Variants in P2RX1 observed in about 807,000 individuals in gnomAD.
The protein encoded by P2RX1 is purinergic receptor P2X 1, also known as P2X purinoceptor 1.
Under a neutral mutation model 50.3 loss-of-function variants are expected in P2RX1, and 42 were observed. That is an observed-to-expected ratio of 0.83 (90% confidence interval 0.65 to 1.08). P2RX1 has a LOEUF of 1.08. Ranked by LOEUF, P2RX1 falls within the 50% of genes least tolerant of loss-of-function variation. The pLI is 0.00. For missense variants in P2RX1, 449 were observed against 529.0 expected (o/e 0.85, Z 1.48); for synonymous variants, 199 against 202.6 (o/e 0.98, Z 0.15).
At position 3,903,709 on chromosome 17, in the gene P2RX1, G is replaced by A; in HGVS notation, c.525-78C>T. 1 of 1,499,012 alleles carries A rather than the reference G, an allele frequency of 6.7e-7. No individual in the cohort carries two copies. Among genetic ancestry groups the A allele is most frequent in the South Asian group, 1.1e-5 (1 of 88,616 alleles). The allele number at this position is 1,499,012 out of a possible 1,614,324, so 92.9% of individuals were successfully genotyped here. A position where few individuals can be genotyped will look rare whatever the true frequency, so the allele number is the denominator to read the frequency against. ...TCCCACACAGAGCTTGGCACAGCAGGGGGTGGGCCGAGCCTCCGGGACCCG... is the reference window on the plus strand; with the variant it reads ...TCCCACACAGAGCTTGGCACAGCAGAGGGTGGGCCGAGCCTCCGGGACCCG... On this transcript the variant is annotated intron_variant, in intron 5 of 11. Transcript: ENST00000225538. This position sits in a 1 kb window ranked among gnomAD's most constrained non-coding sequence, Gnocchi z 4.6.
chr17:3,904,142 G>C, intron 4 of P2RX1, 118 bp from the exon 5 acceptor site: 2 of 1,038,786 alleles, frequency 1.9e-6, no homozygotes, highest in Admixed American at 3.8e-5. Context: ...GGACAGAAAC[G>C]TGGCTGGGTC....
chr17:3,911,544 C>G (rs568490438), intron 1 of P2RX1, among the ~76,000 whole-genome samples: 2 of 151,670 alleles, frequency 1.3e-5, no homozygotes, highest in African/African-American at 2.4e-5. Flanking sequence ...CCCCGTCCCC[C>G]CTTCCCATCC....
chr17:3,902,427 G>C (rs968377283), intron 7 of P2RX1, among the ~76,000 whole-genome samples: 1 of 151,838 alleles, frequency 6.6e-6, no homozygotes, highest in Non-Finnish European at 1.5e-5. Flanking sequence ...CCAAGTAGCT[G>C]GGATTACAGG....
At chr17:3,898,870 C>G (rs1256861285) in intron 9 of P2RX1, 64 bp downstream of exon 9, 1 of 1,311,728 alleles carries the variant, frequency 7.6e-7, no homozygotes, top group East Asian at 2.3e-5. Context: ...TGTAGATGCC[C>G]AAAGGTACTC....
chr17:3,902,925 G>GTTTTTTTTTTTTTT (rs555049705), intron 7 of P2RX1, among the ~76,000 whole-genome samples: 33 of 143,172 alleles, frequency 2.3e-4, no homozygotes, highest in African/African-American at 8.4e-4. Flanking sequence ...CTTTTATCTA[G>GTTTTTTTTTTTTTT]TTTTTTTTTT....
chr17:3,899,138 C>A, intron 8 of P2RX1, 114 bp from the exon 9 acceptor site: 1 of 768,152 alleles, frequency 1.3e-6, no homozygotes, highest in Non-Finnish European at 2.3e-6. Context: ...CAGCCTCATC[C>A]CCAACACCGG....
At chr17:3,911,296 T>TTTC (rs2056358707) in intron 1 of P2RX1, among the ~76,000 whole-genome samples, 1 of 151,854 alleles carries the variant, frequency 6.6e-6, no homozygotes, top group Non-Finnish European at 1.5e-5. Context: ...TCTGTTTTTC[T>TTTC]TTCTTTCTTT....
chr17:3,897,787 A>C lies in P2RX1; in HGVS notation c.*27T>G, dbSNP rs2143944034. ...GCTCCAGGCTGAAGCCTCACGCTGC[A>C]CCCAGTCAGGAGTTGGGGCCCGAGC... On this transcript the variant is annotated 3_prime_UTR_variant, in exon 12 of 12. Transcript: ENST00000225538. 6.2e-7 allele frequency: 1 copy of C among 1,607,774 alleles called. No individual in the cohort carries two copies. The highest frequency in any genetic ancestry group is 1.1e-5 in the South Asian group (1 of 90,816).
chr17:3,904,637 C>T (rs2056224972), intron 3 of P2RX1: 2 of 627,602 alleles, frequency 3.2e-6, no homozygotes, highest in South Asian at 1.9e-5. Context: ...GGGGTGGGCA[C>T]GAAGTCTCGG....
intron 1 of P2RX1, among the ~76,000 whole-genome samples, chr17:3,908,899 A>G (rs2056314261): frequency 6.6e-6 from 1 of 152,220 alleles, no homozygotes; most frequent in Non-Finnish European, 1.5e-5. Flanking sequence ...GGTTTTCTCA[A>G]TAAAACAGAG....
intron 9 of P2RX1, 100 bp downstream of exon 9, chr17:3,898,834 C>T: frequency 1.0e-6 from 1 of 977,354 alleles, no homozygotes; most frequent in Non-Finnish European, 1.7e-6. Flanking sequence ...CTGGATGAAC[C>T]CACCCAACTT....
Position 3,914,547 on chromosome 17 carries a change from C to A in P2RX1, c.137+1542G>T, listed in dbSNP as rs919732601. Among the ~76,000 whole-genome samples, 2 of 152,104 alleles carry A rather than the reference C, an allele frequency of 1.3e-5. No homozygotes were observed. The highest frequency in any genetic ancestry group is 4.8e-5 in the African/African-American group (2 of 41,416). On this transcript the variant is annotated intron_variant, in intron 1 of 11. Transcript: ENST00000225538. This position sits in a 1 kb window ranked among gnomAD's most constrained non-coding sequence, Gnocchi z 4.1. The stretch of plus-strand genomic sequence containing the variant: ...AGCCGCAGGGGCAGAGAGAGGACAG[C>A]CTTCCCCCAGCCTCTTCCAGCAAGG...
chr17:3,911,855 G>C (rs552790821), intron 1 of P2RX1, among the ~76,000 whole-genome samples: 1 of 152,146 alleles, frequency 6.6e-6, no homozygotes, highest in Non-Finnish European at 1.5e-5. Context: ...GGGTGGGCAC[G>C]CAACCAGGCT....
chr17:3,899,024 C>T lies in P2RX1; in HGVS notation c.876G>A (p.Arg292=). The change falls in exon 9 of 12, where the codon AGG becomes AGA. Residue 292 remains arginine (R), a splice_region_variant and synonymous_variant. Coordinates refer to ENST00000225538, the MANE Select transcript of P2RX1 (RefSeq NM_002558.4). ...CGTTCTCCACAAAGTGCCTGGCAAA[C>T]CTTGGGGAAGGGATGAGGTGGCAGG... ...EKNLSPGFNF[R]FARHFVENGT... is the part of the protein sequence containing the mutation. 1 of 1,611,648 alleles carries T rather than the reference C, an allele frequency of 6.2e-7. No individual in the cohort carries two copies. The highest frequency in any genetic ancestry group is 8.5e-7 in the Non-Finnish European group (1 of 1,178,698).
Position 3,898,485 on chromosome 17 carries a change from A to G in P2RX1, c.1031T>C (p.Val344Ala). 6.2e-7 allele frequency: 1 copy of G among 1,613,366 alleles called. No individual in the cohort carries two copies. Among genetic ancestry groups the G allele is most frequent in the Middle Eastern group, 1.7e-4 (1 of 6,060 alleles). Reference sequence around the variant, plus strand: ...TGAGCCGGTGACCCCAGCACTTACCACCCCAAAGATGCCAATTCCAGAGCC... The same window carrying G: ...TGAGCCGGTGACCCCAGCACTTACCGCCCCAAAGATGCCAATTCCAGAGCC... ...TIGSGIGIFG[V>A]ATVLCDLLLL... Residue 344 changes from valine to alanine, a missense_variant and splice_region_variant, in exon 10 of 12, where the codon GTG (valine) becomes GCG (alanine). Coordinates refer to ENST00000225538, the MANE Select transcript of P2RX1 (RefSeq NM_002558.4).
rs191012192 is a variant in P2RX1 at position 3,914,807 on chromosome 17, C to T, written c.137+1282G>A. Among the ~76,000 whole-genome samples the T allele has an allele frequency of 1.6e-4, 25 of 152,326 alleles. No homozygotes were observed. The highest frequency in any genetic ancestry group is 1.8e-4 in the Non-Finnish European group (12 of 68,014). ...TGCTGTGGACCTGGAAACCCCACTG[C>T]CCCTCTCTGGGCCTCAGTTTCCCTC... On this transcript the variant is annotated intron_variant, in intron 1 of 11. Transcript: ENST00000225538. This position sits in a 1 kb window ranked among gnomAD's most constrained non-coding sequence, Gnocchi z 4.1.
At chr17:3,898,171 C>G in intron 10 of P2RX1, 61 bp from the exon 11 acceptor site, 1 of 1,372,852 alleles carries the variant, frequency 7.3e-7, no homozygotes, top group Non-Finnish European at 1.0e-6. Context: ...CGGAGCCCTC[C>G]ACATCCCACC....
At position 3,904,466 on chromosome 17, in the gene P2RX1, C is replaced by T. The variant is rs1027181864; in HGVS notation, c.358-67G>A. ...GGGTCCTGAGAAGAGCCCCTCTCCC[C>T]ACCCCCCAGGGCCCTAGGGAGAGCG... On this transcript the variant is annotated intron_variant, in intron 3 of 11. Transcript: ENST00000225538. 3.6e-6 allele frequency: 5 copies of T among 1,407,434 alleles called. No individual in the cohort carries two copies. In the South Asian group the frequency reaches 6.0e-5, roughly 17 times the overall value. The allele number at this position is 1,407,434 out of a possible 1,614,324, so 87.2% of individuals were successfully genotyped here.
At chr17:3,915,969 A>G in intron 1 of P2RX1, 120 bp downstream of exon 1, 1 of 1,179,024 alleles carries the variant, frequency 8.5e-7, no homozygotes, top group Non-Finnish European at 1.2e-6. Flanking sequence ...CTTGCCAGGA[A>G]GGCCTTCCCC....
Sources: allele counts gnomAD v4.1 joint callset (sites outside exome capture counted in the v4.1 genomes callset), GRCh38; gene constraint gnomAD v4.1.1; non-coding constraint Gnocchi (gnomAD v3.1); transcripts MANE v1.5; gene names NCBI Gene and HGNC (gene_info 2026-07-23, HGNC 2026-07-21).